Variants in PUM3 observed in about 807,000 individuals in gnomAD.
PUM3 encodes pumilio RNA binding family member 3.
In PUM3, 91 loss-of-function variants were observed where a neutral mutation model predicts 84.0. That is an observed-to-expected ratio of 1.08 (90% CI 0.91 to 1.29). The LOEUF (loss-of-function observed/expected upper bound fraction) is 1.29. Among genes scored for constraint, PUM3 ranks in the 50% most tolerant of loss-of-function variants. The pLI is 0.00. For synonymous variants in PUM3, 321 were observed against 266.7 expected (o/e 1.20, Z -1.98); for missense variants, 1,067 against 767.5 (o/e 1.39, Z -4.61).
At position 2,804,197 on chromosome 9, in the gene PUM3, C is replaced by T. The variant is rs62534387; in HGVS notation, c.*134G>A. On this transcript the variant is annotated 3_prime_UTR_variant, in exon 18 of 18. Coordinates refer to ENST00000397885, the MANE Select transcript of PUM3 (RefSeq NM_014878.5). ...AAAAAACAATTTATATAAATAGATT[C>T]GTATACAAAGAAGAAACACATATAC... The T allele has an allele frequency of 0.016, 12,606 of 778,176 alleles. 180 individuals are homozygous for T. Among genetic ancestry groups the T allele is most frequent in the Non-Finnish European group, 0.018 (9,352 of 517,482 alleles). The allele number at this position is 778,176 out of a possible 1,614,324, so 48.2% of individuals were successfully genotyped here. A position where few individuals can be genotyped will look rare whatever the true frequency, so the allele number is the denominator to read the frequency against.
intron 12 of PUM3, among the ~76,000 whole-genome samples, chr9:2,821,103 T>C (rs1390870170): frequency 1.3e-5 from 2 of 152,088 alleles, no homozygotes; most frequent in Non-Finnish European, 1.5e-5. Flanking sequence ...AAAGACAAAC[T>C]GAAGACAAAC....
Position 2,828,746 on chromosome 9 carries a change from T to C in PUM3, c.885A>G (p.Leu295=), listed in dbSNP as rs761401968. 6.2e-7 allele frequency: 1 copy of C among 1,606,692 alleles called. No homozygotes were observed. The change falls in exon 9 of 18, where the codon TTA becomes TTG. Residue 295 remains leucine (L), a synonymous_variant. Transcript: ENST00000397885. ...SADHRTLDKV[L]EVQPEKLELI... is the part of the protein sequence containing the mutation. ...GTTCTAATTTTTCTGGCTGTACCTCTAACACTTTGTCCAGAGTTCGGTGAT... is the reference window on the plus strand; with the variant it reads ...GTTCTAATTTTTCTGGCTGTACCTCCAACACTTTGTCCAGAGTTCGGTGAT...
At chr9:2,835,396 G>C (rs547435319) in intron 3 of PUM3, among the ~76,000 whole-genome samples, 1 of 151,944 alleles carries the variant, frequency 6.6e-6, no homozygotes, top group East Asian at 1.9e-4. Context: ...TCACAGTCTG[G>C]GCAACAAAGT....
At chr9:2,821,549 A>G (rs1815630937) in intron 12 of PUM3, among the ~76,000 whole-genome samples, 1 of 152,160 alleles carries the variant, frequency 6.6e-6, no homozygotes, top group African/African-American at 2.4e-5. Flanking sequence ...ATTAAGGACA[A>G]TAATTAAAAC....
At position 2,820,190 on chromosome 9, in the gene PUM3, G is replaced by A. The variant is rs185537360; in HGVS notation, c.1189-92C>T. 1.9e-3 allele frequency: 912 copies of A among 478,522 alleles called. 11 individuals are homozygous for A. In the South Asian group the frequency reaches 0.02, roughly 11 times the overall value. The allele number at this position is 478,522 out of a possible 1,614,324, so 29.6% of individuals were successfully genotyped here. A position where few individuals can be genotyped will look rare whatever the true frequency, so the allele number is the denominator to read the frequency against. Reference sequence around the variant, plus strand: ...TGGAATATCTTCATAAAGGTAGAGCGAGACTCCGCTCAAAAAAAAAAAAAA... The same window carrying A: ...TGGAATATCTTCATAAAGGTAGAGCAAGACTCCGCTCAAAAAAAAAAAAAA... On this transcript the variant is annotated intron_variant, in intron 12 of 17. Transcript: ENST00000397885.
chr9:2,821,398 C>A (rs886668900), intron 12 of PUM3, among the ~76,000 whole-genome samples: 6 of 134,470 alleles, frequency 4.5e-5, no homozygotes, highest in South Asian at 2.5e-4. Flanking sequence ...GAGCCCAGAT[C>A]GCGCCACGGC....
At chr9:2,839,658 G>T (rs1206269470) in intron 1 of PUM3, among the ~76,000 whole-genome samples, 1 of 152,138 alleles carries the variant, frequency 6.6e-6, no homozygotes, top group Non-Finnish European at 1.5e-5. Context: ...CTTTTCTAAT[G>T]ATTTTGAAAA....
chr9:2,812,406 TCAAAA>T, intron 13 of PUM3, 44 bp from the exon 14 acceptor site: 1 of 1,353,394 alleles, frequency 7.4e-7, no homozygotes, highest in Non-Finnish European at 1.0e-6. Context: ...ATCTGCATTC[TCAAAA>T]CAAAGTACCA....
At chr9:2,807,754 AG>A in intron 17 of PUM3, 59 bp downstream of exon 17, 1 of 1,048,274 alleles carries the variant, frequency 9.5e-7, no homozygotes, top group South Asian at 1.3e-5. Flanking sequence ...ATCAACGTGA[AG>A]GAAGTGTGTC....
intron 1 of PUM3, among the ~76,000 whole-genome samples, chr9:2,840,082 T>C (rs1415141515): frequency 6.6e-6 from 1 of 152,240 alleles, no homozygotes; most frequent in Non-Finnish European, 1.5e-5. Flanking sequence ...TGTTTTCTCA[T>C]GATTAGGCTA....
intron 1 of PUM3, 81 bp from the exon 2 acceptor site, chr9:2,838,598 AT>A (rs1816193324): frequency 3.7e-6 from 3 of 820,412 alleles, no homozygotes; most frequent in Admixed American, 3.9e-5. Context: ...TCATTGCCAC[AT>A]TTAGTCCTTC....
intron 1 of PUM3, among the ~76,000 whole-genome samples, chr9:2,843,412 G>A (rs1044034852): frequency 2.0e-5 from 3 of 151,922 alleles, no homozygotes; most frequent in African/African-American, 7.3e-5. Flanking sequence ...TAGAATCTGC[G>A]TACATTCAGG....
rs190346199 is a variant in PUM3, at chr9:2,813,994, A to G, written c.1270-1632T>C. Among the ~76,000 whole-genome samples, 45 of 84,616 alleles carry G rather than the reference A, an allele frequency of 5.3e-4. 1 individual carries two copies. The East Asian group carries it at 0.013, about 24-fold the overall frequency. 55.5% of individuals were successfully genotyped at this position (84,616 alleles called of 152,430 possible). On this transcript the variant is annotated intron_variant, in intron 13 of 17. Transcript: ENST00000397885. The stretch of plus-strand genomic sequence containing the variant: ...CTCCTAACTACTTCTGAAGTTTAAG[A>G]TCACAGTATAAAGATTCCCATGTAA...
chr9:2,842,391 T>C (rs545584504), intron 1 of PUM3, among the ~76,000 whole-genome samples: 1 of 152,246 alleles, frequency 6.6e-6, no homozygotes, highest in South Asian at 2.1e-4. Context: ...CAGGAAAAAG[T>C]TCCAACTCAG....
At chr9:2,832,251 C>T (rs1816003197) in intron 5 of PUM3, among the ~76,000 whole-genome samples, 1 of 152,138 alleles carries the variant, frequency 6.6e-6, no homozygotes, top group African/African-American at 2.4e-5. Flanking sequence ...ATGCCTTAAA[C>T]ATAGTGTTCT....
In PUM3 at chr9:2,824,746, T is replaced by C; in HGVS notation, c.1105A>G (p.Met369Val). Residue 369 changes from methionine to valine, a missense_variant, in exon 11 of 18, where the codon ATG becomes GTG. Physicochemically the swap from Met to Val is conservative, Grantham distance 21. Transcript: ENST00000397885. ...GGCGTGCCATGCCACAGGCAGTGCATGGCCACTCTGGCGCCATCGTGTGTG... is the reference window on the plus strand; with the variant it reads ...GGCGTGCCATGCCACAGGCAGTGCACGGCCACTCTGGCGCCATCGTGTGTG... ...AHTHDGARVA[M>V]HCLWHGTPKD... 1.3e-6 allele frequency: 2 copies of C among 1,583,538 alleles called. No individual in the cohort carries two copies. The highest frequency in any genetic ancestry group is 8.6e-7 in the Non-Finnish European group (1 of 1,160,482).
chr9:2,815,883 T>C (rs1821457861), intron 13 of PUM3, among the ~76,000 whole-genome samples: 1 of 152,216 alleles, frequency 6.6e-6, no homozygotes, highest in South Asian at 2.1e-4. Context: ...AGTAGGCATG[T>C]AAACAAAGAA....
At chr9:2,817,627 C>T (rs1156968539) in intron 13 of PUM3, among the ~76,000 whole-genome samples, 2 of 152,060 alleles carry the variant, frequency 1.3e-5, no homozygotes, top group African/African-American at 4.8e-5. Flanking sequence ...AAAATGTCCA[C>T]ATATAGTGAA....
chr9:2,833,776 C>G (rs1256458701), intron 4 of PUM3, among the ~76,000 whole-genome samples: 1 of 152,182 alleles, frequency 6.6e-6, no homozygotes, highest in African/African-American at 2.4e-5. Context: ...TCTCAGAAAT[C>G]TCTCAGGAAG....
Sources: gnomAD v4.1 joint callset for allele counts (sites outside exome capture counted in the v4.1 genomes callset) on GRCh38, gnomAD v4.1.1 for gene constraint, MANE v1.5 for transcripts, NCBI Gene and HGNC (gene_info 2026-07-23, HGNC 2026-07-21) for gene names.